DOK5: variants seen among roughly 807,000 people sequenced by gnomAD.
DOK5 encodes the protein downstream of tyrosine kinase 5.
In DOK5, 27 loss-of-function variants were observed where a neutral mutation model predicts 43.3. That is an observed-to-expected ratio of 0.62 (90% confidence interval 0.46 to 0.86). The LOEUF is 0.86. Among genes scored for constraint, DOK5 ranks in the 40% least tolerant of loss-of-function variants. The pLI, the probability that DOK5 is intolerant of heterozygous loss-of-function variation, is 0.00. For missense variants in DOK5, 373 were observed against 392.9 expected, an observed-to-expected ratio of 0.95 and a Z score of 0.43; for synonymous variants, 146 against 140.1, an observed-to-expected ratio of 1.04 and a Z score of -0.30.
chr20:54,545,891 C>T (rs570114561), intron 1 of DOK5, among the ~76,000 whole-genome samples: 2 of 152,142 alleles, frequency 1.3e-5, no homozygotes, highest in Non-Finnish European at 2.9e-5. Flanking sequence ...ATAAAGTAGT[C>T]GTCCAGATGA....
intron 2 of DOK5, among the ~76,000 whole-genome samples, chr20:54,557,423 G>A (rs892955007): frequency 1.1e-4 from 16 of 152,140 alleles, no homozygotes; most frequent in African/African-American, 3.9e-4. Flanking sequence ...AGGAGGTGGA[G>A]CTCAGGCAGG....
chr20:54,516,835 G>T lies in DOK5; in HGVS notation c.67-38098G>T, dbSNP rs1393256947. On this transcript the variant is annotated intron_variant, in intron 1 of 7. Coordinates refer to ENST00000262593, the MANE Select transcript of DOK5 (RefSeq NM_018431.5). ...AATTTACAGTCTAGGGGGTAGACCT[G>T]CTCCTAAACTAGCAATTAAGTCTTT... 2.0e-5 allele frequency among the ~76,000 whole-genome samples: 3 copies of T among 152,316 alleles called. No homozygotes were observed. In the East Asian group the frequency reaches 5.8e-4, roughly 29 times the overall value.
At chr20:54,608,217 A>G (rs2146790470) in intron 5 of DOK5, among the ~76,000 whole-genome samples, 1 of 152,304 alleles carries the variant, frequency 6.6e-6, no homozygotes, top group Admixed American at 6.5e-5. Context: ...TCTGAGTAAC[A>G]GGTACCTTCA....
At chr20:54,591,505 C>A (rs1985971995) in intron 4 of DOK5, 111 bp from the exon 5 acceptor site, 1 of 831,534 alleles carries the variant, frequency 1.2e-6, no homozygotes, top group Non-Finnish European at 1.8e-6. Flanking sequence ...GAATATGCAA[C>A]CGAAATCTAG....
chr20:54,537,599 A>G (rs1258389963), intron 1 of DOK5, among the ~76,000 whole-genome samples: 1 of 152,222 alleles, frequency 6.6e-6, no homozygotes, highest in South Asian at 2.1e-4. Flanking sequence ...ACACAGGCAA[A>G]ATAGACCGAT....
intron 2 of DOK5, among the ~76,000 whole-genome samples, chr20:54,569,547 C>G (rs912751911): frequency 1.3e-5 from 2 of 152,148 alleles, no homozygotes; most frequent in Admixed American, 6.5e-5. Flanking sequence ...GTGGACGAAA[C>G]AGTCTTAGAA....
At chr20:54,597,139 A>G (rs1045483410) in intron 5 of DOK5, among the ~76,000 whole-genome samples, 4 of 152,206 alleles carry the variant, frequency 2.6e-5, no homozygotes, top group African/African-American at 9.6e-5. Flanking sequence ...ACAATATAGC[A>G]TTTAATAATT....
At chr20:54,485,972 AT>A (rs1981917897) in intron 1 of DOK5, among the ~76,000 whole-genome samples, 1 of 152,106 alleles carries the variant, frequency 6.6e-6, no homozygotes, top group African/African-American at 2.4e-5. Context: ...TGGATTGCTT[AT>A]TTTTTAACGG....
At chr20:54,523,411 C>A (rs1983479147) in intron 1 of DOK5, among the ~76,000 whole-genome samples, 1 of 151,820 alleles carries the variant, frequency 6.6e-6, no homozygotes, top group Admixed American at 6.5e-5. Context: ...ACTAAAAATA[C>A]AAAAATTAGC....
intron 6 of DOK5, among the ~76,000 whole-genome samples, chr20:54,623,105 A>G (rs947095062): frequency 6.6e-5 from 10 of 152,280 alleles, no homozygotes; most frequent in East Asian, 1.9e-4. Context: ...TAGTCACCCT[A>G]AAACAGCGGT....
intron 1 of DOK5, among the ~76,000 whole-genome samples, chr20:54,544,902 G>T (rs532435586): frequency 2.0e-5 from 3 of 152,194 alleles, no homozygotes; most frequent in Non-Finnish European, 4.4e-5. Context: ...AATTGAAGAA[G>T]CAGCAAATCT....
chr20:54,592,017 TA>T (rs1166395238), intron 5 of DOK5, among the ~76,000 whole-genome samples: 3 of 152,230 alleles, frequency 2.0e-5, no homozygotes, highest in Non-Finnish European at 4.4e-5. Context: ...TGGAAGATTT[TA>T]ATGTTTCACA....
intron 1 of DOK5, among the ~76,000 whole-genome samples, chr20:54,523,762 C>T (rs914575019): frequency 1.5e-5 from 2 of 137,494 alleles, no homozygotes; most frequent in Admixed American, 1.4e-4. Context: ...TGCACCACCA[C>T]ATTTGTCTAA....
intron 1 of DOK5, among the ~76,000 whole-genome samples, chr20:54,476,553 G>T (rs893574966): frequency 6.6e-6 from 1 of 152,120 alleles, no homozygotes; most frequent in Non-Finnish European, 1.5e-5. Flanking sequence ...GTGCGGGCTG[G>T]CCTCTGGTCG....
chr20:54,630,211 G>A (rs1426610685), intron 6 of DOK5, among the ~76,000 whole-genome samples: 1 of 152,200 alleles, frequency 6.6e-6, no homozygotes, highest in African/African-American at 2.4e-5. Context: ...GACCAAGGTG[G>A]TGGTGATGGA....
At chr20:54,581,144 G>A (rs2146758695) in intron 2 of DOK5, among the ~76,000 whole-genome samples, 1 of 152,040 alleles carries the variant, frequency 6.6e-6, no homozygotes, top group East Asian at 1.9e-4. Context: ...TCATTTTCCT[G>A]TTGTATAAAC....
intron 2 of DOK5, among the ~76,000 whole-genome samples, chr20:54,575,660 C>CA (rs1262966752): frequency 6.6e-6 from 1 of 152,168 alleles, no homozygotes; most frequent in Non-Finnish European, 1.5e-5. Context: ...AGGCTGGTCT[C>CA]AGACTCCTGA....
chr20:54,564,052 C>T (rs921317998), intron 2 of DOK5, among the ~76,000 whole-genome samples: 4 of 152,106 alleles, frequency 2.6e-5, no homozygotes, highest in Non-Finnish European at 4.4e-5. Context: ...GACCTAGACT[C>T]CTATTTTCTT....
At chr20:54,639,654 T>A (rs1292093640) in intron 6 of DOK5, among the ~76,000 whole-genome samples, 2 of 152,158 alleles carry the variant, frequency 1.3e-5, no homozygotes, top group Non-Finnish European at 2.9e-5. Context: ...ATATATTTTT[T>A]AAGTAGGAAG....
Sources: allele counts gnomAD v4.1 joint callset (sites outside exome capture counted in the v4.1 genomes callset), GRCh38; gene constraint gnomAD v4.1.1; transcripts MANE v1.5; gene names NCBI Gene and HGNC (gene_info 2026-07-23, HGNC 2026-07-21).